BLNK: variants seen among roughly 807,000 people sequenced by gnomAD.
The protein encoded by BLNK is B cell linker, also known as B-cell linker protein.
Under a neutral mutation model 73.5 loss-of-function variants are expected in BLNK, and 29 were observed. That is an observed-to-expected ratio of 0.39 (90% confidence interval 0.29 to 0.54). The LOEUF (loss-of-function observed/expected upper bound fraction) is 0.54, where lower values mean the gene tolerates loss of function less well. Ranked by LOEUF, BLNK falls within the 20% of genes least tolerant of loss-of-function variation. BLNK has a pLI of 0.61. For missense variants in BLNK, 460 were observed against 562.8 expected (o/e 0.82, Z 1.85); for synonymous variants, 176 against 200.8 (o/e 0.88, Z 1.04).
chr10:96,248,556 T>G, intron 1 of BLNK, among the ~76,000 whole-genome samples: 1 of 152,228 alleles, frequency 6.6e-6, no homozygotes, highest in South Asian at 2.1e-4. Flanking sequence ...GTCCATGACT[T>G]TTGACCCAGC....
In BLNK at chr10:96,236,476, G is replaced by A. The variant is rs587706191; in HGVS notation, c.164-5642C>T. Among the ~76,000 whole-genome samples the A allele has an allele frequency of 5.3e-5, 8 of 152,286 alleles. No homozygotes were observed. In the South Asian group the frequency reaches 1.7e-3, roughly 32 times the overall value. On this transcript the variant is annotated intron_variant, in intron 3 of 16. Coordinates refer to ENST00000224337, the MANE Select transcript of BLNK (RefSeq NM_013314.4). ...GACATGATTTAATGTGGGGAACTGA[G>A]GACAAGACCCAGATTCAGGCTGGCT...
chr10:96,262,872 A>G (rs1216173469), intron 1 of BLNK, among the ~76,000 whole-genome samples: 4 of 152,244 alleles, frequency 2.6e-5, no homozygotes, highest in African/African-American at 9.6e-5. Flanking sequence ...TGAAAAGTGA[A>G]GAACAAAGCC....
chr10:96,215,463 G>T, intron 7 of BLNK, 74 bp from the exon 8 acceptor site: 1 of 1,388,638 alleles, frequency 7.2e-7, no homozygotes. Flanking sequence ...TGCCATTGAG[G>T]AAAATTCACA....
At chr10:96,240,653 G>C (rs1842855223) in intron 3 of BLNK, among the ~76,000 whole-genome samples, 1 of 152,124 alleles carries the variant, frequency 6.6e-6, no homozygotes, top group Admixed American at 6.5e-5. Context: ...TATCCAGCCA[G>C]GGCTGCCTGT....
rs77395196 is a variant in BLNK at position 96,265,384 on chromosome 10, A to C, written c.47+5968T>G. 6.2e-3 allele frequency among the ~76,000 whole-genome samples: 940 copies of C among 152,220 alleles called. 7 individuals are homozygous for C. The highest frequency in any genetic ancestry group is 0.02 in the African/African-American group (850 of 41,508). Reference sequence around the variant, plus strand: ...ACCTCAACATTAAGAATTTCCACTCAAGATTTGCTCAGTCTACTTGAAGAA... The same window carrying C: ...ACCTCAACATTAAGAATTTCCACTCCAGATTTGCTCAGTCTACTTGAAGAA... On this transcript the variant is annotated intron_variant, in intron 1 of 16. Transcript: ENST00000224337.
At position 96,196,998 on chromosome 10, in the gene BLNK, T is replaced by C; in HGVS notation, c.1161A>G (p.Val387=). The C allele has an allele frequency of 1.2e-6, 2 of 1,612,786 alleles. No homozygotes were observed. Among genetic ancestry groups the C allele is most frequent in the Non-Finnish European group, 1.7e-6 (2 of 1,179,006 alleles). ...TATTATATACTCGCTTATTAAAGAA[T>C]ACAACTAGTGTATATGGTTGTTTGG... ...HDSKQPYTLV[V]FFNKRVYNIP... Residue 387 remains valine, a synonymous_variant, in exon 16 of 17, where the codon GTA becomes GTG. Transcript: ENST00000224337.
At chr10:96,266,099 C>T (rs1843985274) in intron 1 of BLNK, among the ~76,000 whole-genome samples, 1 of 152,218 alleles carries the variant, frequency 6.6e-6, no homozygotes, top group Non-Finnish European at 1.5e-5. Flanking sequence ...ATTTTTCTCT[C>T]CCTTTTTTTC....
rs57821919 is a variant in BLNK at position 96,259,670 on chromosome 10, C to CTTTTTTTTT, written c.47+11673_47+11681dup. Among the ~76,000 whole-genome samples, 19 of 44,862 alleles carry CTTTTTTTTT rather than the reference C, an allele frequency of 4.2e-4. 1 individual carries two copies. Among genetic ancestry groups the CTTTTTTTTT allele is most frequent in the African/African-American group, 1.5e-3 (15 of 10,342 alleles). 29.4% of individuals were successfully genotyped at this position (44,862 alleles called of 152,430 possible). A position where few individuals can be genotyped will look rare whatever the true frequency, so the allele number is the denominator to read the frequency against. On this transcript the variant is annotated intron_variant, in intron 1 of 16. Transcript: ENST00000224337. ...TTTCTCCAAACAGTTCACACCCTAC[C>CTTTTTTTTT]TTTTTTTTTTTTTTTTTTTTTTTGC...
intron 2 of BLNK, among the ~76,000 whole-genome samples, chr10:96,244,433 A>G (rs782011894): frequency 2.6e-4 from 39 of 152,230 alleles, no homozygotes; most frequent in Non-Finnish European, 4.7e-4. Context: ...TGGCCACTCA[A>G]CACTAGGAAT....
At position 96,201,019 on chromosome 10, in the gene BLNK, A is replaced by AG; in HGVS notation, c.973dup (p.Leu325ProfsTer7). ...AGTGGAATTAGATGAAAAGCTGGGT[A>AG]GGGGCCCATCCACAGTTGGGTTTCC... is the stretch of plus-strand genomic sequence containing the variant. On this transcript the variant is annotated frameshift_variant, in exon 14 of 17. Transcript: ENST00000224337. LOFTEE classifies it high-confidence loss of function. 2.5e-6 allele frequency: 4 copies of AG among 1,614,146 alleles called. No homozygotes were observed. Among genetic ancestry groups the AG allele is most frequent in the Non-Finnish European group, 3.4e-6 (4 of 1,179,986 alleles).
chr10:96,201,183 A>G (rs1184822562), intron 13 of BLNK, 125 bp from the exon 14 acceptor site: 3 of 854,118 alleles, frequency 3.5e-6, no homozygotes, highest in African/African-American at 1.7e-5. Context: ...CCTTAAGGCA[A>G]TGGTTCCAAA....
intron 4 of BLNK, among the ~76,000 whole-genome samples, chr10:96,230,427 A>C (rs1358520092): frequency 6.6e-6 from 1 of 152,208 alleles, no homozygotes; most frequent in Admixed American, 6.5e-5. Context: ...GGCAGGGGTC[A>C]GGCAGTGATG....
chr10:96,250,782 G>A (rs906547987), intron 1 of BLNK, among the ~76,000 whole-genome samples: 6 of 152,198 alleles, frequency 3.9e-5, no homozygotes, highest in African/African-American at 1.4e-4. Flanking sequence ...GGTGCTTCTT[G>A]GCATTTCCTA....
intron 1 of BLNK, among the ~76,000 whole-genome samples, chr10:96,248,591 T>A (rs529252100): frequency 4.6e-5 from 7 of 152,348 alleles, no homozygotes; most frequent in Non-Finnish European, 7.3e-5. Flanking sequence ...GAATTTGTCT[T>A]ATGAAAATGG....
intron 11 of BLNK, 152 bp downstream of exon 11, chr10:96,206,859 G>C (rs1428647733): frequency 1.2e-6 from 1 of 835,246 alleles, no homozygotes; most frequent in Non-Finnish European, 2.0e-6. Context: ...TAGTTTTGCT[G>C]TTCATTGCTC....
intron 5 of BLNK, among the ~76,000 whole-genome samples, chr10:96,224,375 C>T (rs7910295): frequency 0.46 from 69,965 of 152,000 alleles, 16,388 homozygotes; most frequent in South Asian, 0.52. Flanking sequence ...AGCCTGGCAA[C>T]GTTTGAACTC....
chr10:96,231,837 A>C (rs587694357), intron 3 of BLNK, among the ~76,000 whole-genome samples: 1 of 152,124 alleles, frequency 6.6e-6, no homozygotes, highest in African/African-American at 2.4e-5. Context: ...CAGAGCCAGG[A>C]GTTGAACCCT....
intron 16 of BLNK, 45 bp from the exon 17 acceptor site, chr10:96,192,137 T>G (rs1474382928): frequency 1.2e-6 from 2 of 1,610,126 alleles, no homozygotes; most frequent in African/African-American, 2.7e-5. Context: ...GCATTTGTGT[T>G]AAATTTGAGC....
chr10:96,249,583 C>T (rs959745289), intron 1 of BLNK, among the ~76,000 whole-genome samples: 8 of 152,236 alleles, frequency 5.3e-5, no homozygotes, highest in African/African-American at 1.9e-4. Flanking sequence ...AAAATGGGAA[C>T]TTAGGCTGCA....
Sources: allele counts gnomAD v4.1 joint callset (sites outside exome capture counted in the v4.1 genomes callset), GRCh38; gene constraint gnomAD v4.1.1; transcripts MANE v1.5; gene names NCBI Gene and HGNC (gene_info 2026-07-23, HGNC 2026-07-21).